Variants in TTLL7 observed in about 807,000 individuals in gnomAD.
TTLL7 encodes tubulin polyglutamylase TTLL7.
Under a neutral mutation model 120.2 loss-of-function variants are expected in TTLL7, and 53 were observed. The observed-to-expected ratio is 0.44, with a 90% CI of 0.35 to 0.55. The LOEUF (loss-of-function observed/expected upper bound fraction) is 0.55. TTLL7 is among the 20% of genes least tolerant of loss of function. The pLI, the probability that TTLL7 is intolerant of heterozygous loss-of-function variation, is 0.00. For synonymous variants in TTLL7, 353 were observed against 351.7 expected, an observed-to-expected ratio of 1.00 and a Z score of -0.04; for missense variants, 803 against 1,054.7, an observed-to-expected ratio of 0.76 and a Z score of 3.31.
At chr1:83,970,484 C>G (rs1340456051) in intron 1 of TTLL7, among the ~76,000 whole-genome samples, 2 of 152,030 alleles carry the variant, frequency 1.3e-5, no homozygotes, top group Admixed American at 1.3e-4. Context: ...AGACAAAATC[C>G]TAGAATCTTT....
At chr1:83,969,691 T>G (rs1240861110) in intron 1 of TTLL7, among the ~76,000 whole-genome samples, 2 of 151,988 alleles carry the variant, frequency 1.3e-5, no homozygotes, top group African/African-American at 4.8e-5. Context: ...TGAAGAAGAA[T>G]GTATGTCAAG....
intron 18 of TTLL7, among the ~76,000 whole-genome samples, chr1:83,902,795 C>T (rs1656832884): frequency 6.6e-6 from 1 of 151,928 alleles, no homozygotes; most frequent in African/African-American, 2.4e-5. Flanking sequence ...TATACAACTA[C>T]ACACTCAACA....
chr1:83,921,430 C>T (rs537402900), intron 10 of TTLL7, 36 bp from the exon 11 acceptor site: 30 of 1,603,562 alleles, frequency 1.9e-5, no homozygotes, highest in South Asian at 1.7e-4. Flanking sequence ...TTCTAGAACT[C>T]GAACAAGTTC....
At chr1:83,919,666 CT>C in intron 13 of TTLL7, 32 bp downstream of exon 13, 1 of 1,568,516 alleles carries the variant, frequency 6.4e-7, no homozygotes. Context: ...TAGCTTTATT[CT>C]TTTTTCTCTA....
intron 18 of TTLL7, among the ~76,000 whole-genome samples, chr1:83,899,513 G>A (rs1252035477): frequency 6.6e-6 from 1 of 151,826 alleles, no homozygotes; most frequent in Non-Finnish European, 1.5e-5. Context: ...GTTCTTTTAA[G>A]AGCCAAAATT....
At chr1:83,968,381 A>G (rs1405935772) in intron 1 of TTLL7, among the ~76,000 whole-genome samples, 1 of 151,974 alleles carries the variant, frequency 6.6e-6, no homozygotes, top group African/African-American at 2.4e-5. Context: ...GAACTGTACA[A>G]TGGGAAACAA....
intron 19 of TTLL7, among the ~76,000 whole-genome samples, chr1:83,884,350 G>C (rs1179133848): frequency 2.0e-5 from 3 of 151,668 alleles, no homozygotes; most frequent in African/African-American, 7.3e-5. Context: ...CTTACCAATG[G>C]GAAACACAAA....
chr1:83,942,449 C>A lies in TTLL7; in HGVS notation c.723+14G>T. On this transcript the variant is annotated intron_variant, in intron 7 of 20. Transcript: ENST00000260505. ...AAATGAATGAAAAGATAAGCTCTGT[C>A]TGGTATCACTTACCAAATTGGACTC... is the stretch of plus-strand genomic sequence containing the variant. The A allele has an allele frequency of 6.3e-7, 1 of 1,588,800 alleles. No homozygotes were observed. The highest frequency in any genetic ancestry group is 1.1e-5 in the South Asian group (1 of 90,466).
intron 1 of TTLL7, among the ~76,000 whole-genome samples, chr1:83,983,367 G>T (rs910295045): frequency 3.3e-5 from 5 of 152,018 alleles, no homozygotes; most frequent in Non-Finnish European, 7.4e-5. Context: ...ATAAGAAAAA[G>T]ACTGTCTATT....
Position 83,878,237 on chromosome 1 carries a change from A to G in TTLL7, c.2543+4726T>C, listed in dbSNP as rs546626876. On this transcript the variant is annotated intron_variant, in intron 20 of 20. Transcript: ENST00000260505. ...TATTCCACTATATGGTTGATTTTCT[A>G]AAATTTCCCATCGTGCCTGGTGTAC... Among the ~76,000 whole-genome samples the G allele has an allele frequency of 9.9e-5, 15 of 151,840 alleles. No individual in the cohort carries two copies. In the South Asian group the frequency reaches 3.1e-3, roughly 31 times the overall value.
At chr1:83,950,299 C>A (rs367657793) in intron 3 of TTLL7, among the ~76,000 whole-genome samples, 1 of 152,118 alleles carries the variant, frequency 6.6e-6, no homozygotes, top group African/African-American at 2.4e-5. Context: ...TGAGACAATA[C>A]GTCTACTCAG....
At chr1:83,892,918 G>GAAAGAAAGAA (rs1655853750) in intron 18 of TTLL7, among the ~76,000 whole-genome samples, 2 of 109,976 alleles carry the variant, frequency 1.8e-5, no homozygotes, top group African/African-American at 3.6e-5. Context: ...AAAGAAAAAA[G>GAAAGAAAGAA]AAAGAAAAAG....
chr1:83,916,346 A>G (rs992936430), intron 14 of TTLL7, among the ~76,000 whole-genome samples: 3 of 152,156 alleles, frequency 2.0e-5, no homozygotes, highest in African/African-American at 7.2e-5. Context: ...TTGTAGGGAC[A>G]TGGATGAAGC....
chr1:83,914,825 G>A (rs1335974217), intron 14 of TTLL7, among the ~76,000 whole-genome samples: 1 of 152,054 alleles, frequency 6.6e-6, no homozygotes, highest in East Asian at 1.9e-4. Context: ...TCTTCTACTA[G>A]CCAATGAGGT....
intron 1 of TTLL7, among the ~76,000 whole-genome samples, chr1:83,967,221 G>A (rs573991829): frequency 4.9e-4 from 75 of 152,174 alleles, no homozygotes; most frequent in African/African-American, 1.7e-3. Flanking sequence ...GATCTTAGAT[G>A]TGATTTTTAA....
rs536239804 is a variant in TTLL7, at chr1:83,923,195, T to C, written c.1143-1801A>G. 2.9e-4 allele frequency among the ~76,000 whole-genome samples: 41 copies of C among 140,196 alleles called. No individual in the cohort carries two copies. In the South Asian group the frequency reaches 7.8e-3, roughly 27 times the overall value. 92.0% of individuals were successfully genotyped at this position (140,196 alleles called of 152,430 possible). On this transcript the variant is annotated intron_variant, in intron 10 of 20. Coordinates refer to ENST00000260505, the MANE Select transcript of TTLL7 (RefSeq NM_024686.6). ...GCAATCATTTTATCATTCTATCATA[T>C]ACCAATGAATATATTATCATACATC...
intron 1 of TTLL7, among the ~76,000 whole-genome samples, chr1:83,992,554 G>T (rs922612446): frequency 9.9e-5 from 15 of 152,080 alleles, no homozygotes; most frequent in African/African-American, 3.4e-4. Context: ...GGCAGCTATA[G>T]ACCAATTTCA....
intron 18 of TTLL7, among the ~76,000 whole-genome samples, chr1:83,898,692 A>C (rs1656451934): frequency 1.3e-5 from 2 of 151,946 alleles, no homozygotes; most frequent in Non-Finnish European, 2.9e-5. Flanking sequence ...TTTATCAGAA[A>C]TAAACTTCAG....
intron 18 of TTLL7, 149 bp downstream of exon 18, chr1:83,903,930 C>T (rs963645380): frequency 4.6e-6 from 3 of 651,604 alleles, no homozygotes; most frequent in South Asian, 3.6e-5. Flanking sequence ...TAGAAGAGTG[C>T]CTGACACATA....
Sources: allele counts gnomAD v4.1 joint callset (sites outside exome capture counted in the v4.1 genomes callset), GRCh38; gene constraint gnomAD v4.1.1; transcripts MANE v1.5; gene names NCBI Gene and HGNC (gene_info 2026-07-23, HGNC 2026-07-21).